AK9: variants seen among roughly 807,000 people sequenced by gnomAD.
AK9 encodes the protein adenylate kinase domain containing 1.
A neutral mutation model predicts 239.6 loss-of-function variants in AK9; 191 were observed. The ratio of observed to expected loss-of-function variants is 0.80; its 90% CI spans 0.71 to 0.90. The LOEUF (loss-of-function observed/expected upper bound fraction) is 0.90. Ranked by LOEUF, AK9 falls within the 40% of genes least tolerant of loss-of-function variation. The probability of loss-of-function intolerance (pLI) is 0.00; values close to 1 mark genes in which losing one functional copy is unlikely to be tolerated. For synonymous variants in AK9, 689 were observed against 721.0 expected (o/e 0.96, Z 0.71); for missense variants, 1,995 against 2,214.7 (o/e 0.90, Z 1.99).
rs1232327192 is a variant in AK9 at position 109,533,448 on chromosome 6, C to G, written c.3373G>C (p.Gly1125Arg). 6.3e-7 allele frequency: 1 copy of G among 1,596,938 alleles called. No homozygotes were observed. The highest frequency in any genetic ancestry group is 8.5e-7 in the Non-Finnish European group (1 of 1,174,728). Residue 1125 changes from glycine to arginine, a missense_variant, in exon 28 of 41, where the codon GGT (glycine) becomes CGT (arginine). Physicochemically the swap from Gly to Arg is moderately radical, Grantham distance 125. Coordinates refer to ENST00000424296, the MANE Select transcript of AK9 (RefSeq NM_001145128.3). ...PIRSTGFILD[G>R]FPRYPEEAQF... ...GCCTCTTCTGGATATCGTGGGAAACCATCTAATATAAAACCTGTGGAACTG... is the reference window on the plus strand; with the variant it reads ...GCCTCTTCTGGATATCGTGGGAAACGATCTAATATAAAACCTGTGGAACTG...
rs1046795494 is a variant in AK9 at position 109,615,828 on chromosome 6, G to A, written c.1400-1348C>T. Among the ~76,000 whole-genome samples, 22 of 152,106 alleles carry A rather than the reference G, an allele frequency of 1.4e-4. No individual in the cohort carries two copies. In the East Asian group the frequency reaches 3.7e-3, roughly 25 times the overall value. On this transcript the variant is annotated intron_variant, in intron 13 of 40. Transcript: ENST00000424296. ...TTATGTAAAAAGTTAAAAAAGAAAC[G>A]ATAGCAAACTCTGACAAATAGAGAA...
chr6:109,505,556 G>A (rs1778026143), intron 35 of AK9, among the ~76,000 whole-genome samples: 1 of 151,794 alleles, frequency 6.6e-6, no homozygotes, highest in African/African-American at 2.4e-5. Context: ...TACTATAATG[G>A]GTGTAAATAG....
chr6:109,533,648 G>T (rs1781567741), intron 27 of AK9, among the ~76,000 whole-genome samples, 178 bp from the exon 28 acceptor site: 1 of 151,946 alleles, frequency 6.6e-6, no homozygotes, highest in Non-Finnish European at 1.5e-5. Flanking sequence ...GTAAAAAAAA[G>T]TATTGATAAA....
intron 17 of AK9, among the ~76,000 whole-genome samples, chr6:109,590,059 T>A (rs1235835340): frequency 1.3e-5 from 2 of 152,154 alleles, no homozygotes; most frequent in African/African-American, 4.8e-5. Flanking sequence ...GGCTTTGGTA[T>A]CAGAGTGATG....
intron 38 of AK9, 46 bp downstream of exon 38, chr6:109,497,419 A>AGTAAATATT (rs1295641076): frequency 7.9e-7 from 1 of 1,260,036 alleles, no homozygotes; most frequent in Non-Finnish European, 1.1e-6. Flanking sequence ...AGCATGTTGC[A>AGTAAATATT]TGCAACACAG....
Position 109,545,936 on chromosome 6 carries a change from G to C in AK9, c.3156C>G (p.Ala1052=). The change falls in exon 26 of 41, where the codon GCC becomes GCG. Residue 1052 remains alanine (A), a synonymous_variant. Coordinates refer to ENST00000424296, the MANE Select transcript of AK9 (RefSeq NM_001145128.3). ...FEEDSENEQA[A]KQELEELAIQ... ...TTGCAAGCTCTTCAAGTTCTTGTTT[G>C]GCAGCTTGCTCGTTCTCAGAATCTT... 1 of 1,614,004 alleles carries C rather than the reference G, an allele frequency of 6.2e-7. No individual in the cohort carries two copies. Among genetic ancestry groups the C allele is most frequent in the East Asian group, 2.2e-5 (1 of 44,874 alleles).
intron 24 of AK9, among the ~76,000 whole-genome samples, chr6:109,558,819 T>C (rs1428795524): frequency 1.3e-5 from 2 of 152,050 alleles, no homozygotes; most frequent in Non-Finnish European, 2.9e-5. Context: ...TTGGGGAGAA[T>C]TGATATAATA....
At chr6:109,583,950 T>C (rs1165437481) in intron 19 of AK9, among the ~76,000 whole-genome samples, 1 of 152,170 alleles carries the variant, frequency 6.6e-6, no homozygotes, top group Admixed American at 6.5e-5. Context: ...CAACAGATTA[T>C]AGCTGATCTG....
intron 24 of AK9, among the ~76,000 whole-genome samples, chr6:109,560,564 T>C (rs960669004): frequency 1.3e-5 from 2 of 152,222 alleles, no homozygotes; most frequent in Non-Finnish European, 2.9e-5. Flanking sequence ...ATGAATTACA[T>C]TGATTGCTTT....
Position 109,514,968 on chromosome 6 carries a change from G to A in AK9, c.4066-531C>T, listed in dbSNP as rs1253297473. Reference sequence around the variant, plus strand: ...TGGGACTGGTGTCCTTACAAGAGGAGGAAGAGACATCAGGGTGGGCACACA... The same window carrying A: ...TGGGACTGGTGTCCTTACAAGAGGAAGAAGAGACATCAGGGTGGGCACACA... On this transcript the variant is annotated intron_variant, in intron 31 of 40. Transcript: ENST00000424296. Among the ~76,000 whole-genome samples, 3 of 152,188 alleles carry A rather than the reference G, an allele frequency of 2.0e-5. No homozygotes were observed. In the East Asian group the frequency reaches 5.8e-4, roughly 29 times the overall value.
intron 10 of AK9, among the ~76,000 whole-genome samples, chr6:109,640,612 T>C (rs1797298225): frequency 6.6e-6 from 1 of 151,730 alleles, no homozygotes; most frequent in Non-Finnish European, 1.5e-5. Flanking sequence ...AGGGCCAGAG[T>C]CTCGCTATGT....
At chr6:109,678,000 T>C (rs1424939739) in intron 1 of AK9, among the ~76,000 whole-genome samples, 2 of 152,204 alleles carry the variant, frequency 1.3e-5, no homozygotes, top group African/African-American at 4.8e-5. Context: ...TGGAAAATAT[T>C]TGGAAGTTTC....
intron 19 of AK9, among the ~76,000 whole-genome samples, chr6:109,583,388 G>A (rs1789101593): frequency 6.6e-6 from 1 of 152,072 alleles, no homozygotes; most frequent in Non-Finnish European, 1.5e-5. Flanking sequence ...TGCTGGAAAA[G>A]TTTTAAAATT....
At chr6:109,678,636 C>T (rs1304314951) in intron 1 of AK9, among the ~76,000 whole-genome samples, 1 of 152,022 alleles carries the variant, frequency 6.6e-6, no homozygotes, top group African/African-American at 2.4e-5. Flanking sequence ...AGTTGCCGCC[C>T]CCCAAAAAAG....
rs533979750 is a variant in AK9 at position 109,504,702 on chromosome 6, G to A, written c.4849+1625C>T. Among the ~76,000 whole-genome samples the A allele has an allele frequency of 2.6e-5, 4 of 152,208 alleles. No individual in the cohort carries two copies. In the South Asian group the frequency reaches 8.3e-4, roughly 32 times the overall value. ...CGCACACCTGTAGTCCTAGCTACTC[G>A]GGAGGCTGAGGCACAAGAATTGCTT... On this transcript the variant is annotated intron_variant, in intron 35 of 40. Transcript: ENST00000424296.
At chr6:109,675,592 T>TA (rs753132545) in intron 2 of AK9, 37 bp downstream of exon 2, 82 of 1,255,364 alleles carry the variant, frequency 6.5e-5, no homozygotes, top group Admixed American at 5.5e-4. Flanking sequence ...ATTTTAAAAA[T>TA]AAAAAAAATT....
chr6:109,590,159 C>T (rs1790030368), intron 17 of AK9, among the ~76,000 whole-genome samples: 1 of 152,090 alleles, frequency 6.6e-6, no homozygotes, highest in Admixed American at 6.6e-5. Flanking sequence ...CTTCCTTCAA[C>T]ATTTAGCAGA....
At chr6:109,683,440 G>A (rs1338851908) in intron 1 of AK9, among the ~76,000 whole-genome samples, 2 of 152,150 alleles carry the variant, frequency 1.3e-5, no homozygotes, top group Non-Finnish European at 2.9e-5. Context: ...ATTCAAATAG[G>A]GAGAGAGGAA....
At chr6:109,600,569 G>C (rs990772818) in intron 17 of AK9, among the ~76,000 whole-genome samples, 1 of 152,154 alleles carries the variant, frequency 6.6e-6, no homozygotes, top group Non-Finnish European at 1.5e-5. Flanking sequence ...CCAGGCTTTG[G>C]TATCAGGATG....
Sources: allele counts gnomAD v4.1 joint callset (sites outside exome capture counted in the v4.1 genomes callset), GRCh38; gene constraint gnomAD v4.1.1; transcripts MANE v1.5; gene names NCBI Gene and HGNC (gene_info 2026-07-23, HGNC 2026-07-21).